The following ZP1 variants were observed in gnomAD, a reference collection of about 807,000 sequenced individuals.
ZP1 encodes zona pellucida glycoprotein 1.
ZP1 carries 58 observed loss-of-function variants against 67.4 expected under a neutral mutation model. The observed-to-expected ratio is 0.86, with a 90% CI of 0.70 to 1.07. The LOEUF (loss-of-function observed/expected upper bound fraction) is 1.07, where lower values mean the gene tolerates loss of function less well. ZP1 is among the 50% of genes least tolerant of loss of function. The pLI, the probability that ZP1 is intolerant of heterozygous loss-of-function variation, is 0.00. For synonymous variants in ZP1, 333 were observed against 332.7 expected (o/e 1.00, Z -0.01); for missense variants, 759 against 807.3 (o/e 0.94, Z 0.72).
intron 2 of ZP1, 95 bp from the exon 3 acceptor site, chr11:60,869,442 G>C: frequency 6.6e-7 from 1 of 1,512,472 alleles, no homozygotes; most frequent in East Asian, 2.3e-5. Context: ...CCAGCTCCCT[G>C]CCTAATGGCC....
At chr11:60,871,433 C>T in intron 6 of ZP1, 119 bp downstream of exon 6, 1 of 1,128,934 alleles carries the variant, frequency 8.9e-7, no homozygotes, top group Non-Finnish European at 1.3e-6. Context: ...TGTTACCCGG[C>T]TATGTGATCT....
In ZP1 at chr11:60,873,480, A is replaced by G. The variant is rs780988727; in HGVS notation, c.1346A>G (p.Asn449Ser). The G allele has an allele frequency of 1.9e-6, 3 of 1,613,514 alleles. No homozygotes were observed. The South Asian group carries it at 3.3e-5, about 18-fold the overall frequency. The change falls in exon 8 of 12, where the codon AAC becomes AGC. Residue 449 changes from asparagine (N) to serine (S), a missense_variant. Transcript: ENST00000278853. ...CGGCTTCTGCAGAGGACAGACCCCA[A>G]CCTGGTCCTGCTGCTGCACCAGTGC... ...EVRLLQRTDPNLVLLLHQCWG... is the reference protein window; with the variant it reads ...EVRLLQRTDPSLVLLLHQCWG...
At chr11:60,868,842 A>G (rs762051911) in intron 1 of ZP1, among the ~76,000 whole-genome samples, 6 of 152,206 alleles carry the variant, frequency 3.9e-5, no homozygotes, top group Non-Finnish European at 7.4e-5. Context: ...TGAAATACTC[A>G]GGCCAGTGCC....
In ZP1 at chr11:60,870,343, A is replaced by AGCCAGGAGCAGT. The variant is rs1425649591; in HGVS notation, c.701_712dup (p.Glu234_Gln237dup). The stretch of plus-strand genomic sequence containing the variant: ...TGTCCCAACCCTAGGTACCCACCTG[A>AGCCAGGAGCAGT]GCCAGGAGCAGTGCCAGGTGGCCTC... On this transcript the variant is annotated inframe_insertion, in exon 4 of 12. Transcript: ENST00000278853. The AGCCAGGAGCAGT allele has an allele frequency of 6.2e-7, 1 of 1,606,082 alleles. No homozygotes were observed. Among genetic ancestry groups the AGCCAGGAGCAGT allele is most frequent in the South Asian group, 1.1e-5 (1 of 89,564 alleles).
Position 60,870,442 on chromosome 11 carries a change from A to C in ZP1, c.793A>C (p.Thr265Pro). Reference sequence around the variant, plus strand: ...GCAGGCTGGCTGCTGCTATGACAACACCAGAGAGGTTCCCTGTTACTATGG... The same window carrying C: ...GCAGGCTGGCTGCTGCTATGACAACCCCAGAGAGGTTCCCTGTTACTATGG... ...CQQAGCCYDN[T>P]REVPCYYGNT... The change falls in exon 4 of 12, where the codon ACC becomes CCC. Residue 265 changes from threonine (T) to proline (P), a missense_variant. Transcript: ENST00000278853. 1 of 1,612,908 alleles carries C rather than the reference A, an allele frequency of 6.2e-7. No homozygotes were observed. The highest frequency in any genetic ancestry group is 8.5e-7 in the Non-Finnish European group (1 of 1,179,496).
rs1286459186 is a variant in ZP1, at chr11:60,875,009, C to G, written c.1649C>G (p.Thr550Ser). ...TGCTCCACTGCATGTAGCACTGGCA[C>G]TACAAGTGAGTCTGGGTTGCGAGTG... ...ETCSTACSTGTTRQRRSSGHR... is the reference protein window; with the variant it reads ...ETCSTACSTGSTRQRRSSGHR... Residue 550 changes from threonine (T) to serine (S), a missense_variant, in exon 10 of 12, where the codon ACT becomes AGT. Physicochemically the swap from Thr to Ser is moderately conservative, Grantham distance 58 (BLOSUM62 1). Transcript: ENST00000278853. The G allele has an allele frequency of 6.2e-7, 1 of 1,614,278 alleles. No individual in the cohort carries two copies. Among genetic ancestry groups the G allele is most frequent in the South Asian group, 1.1e-5 (1 of 91,092 alleles).
intron 3 of ZP1, 46 bp from the exon 4 acceptor site, chr11:60,870,286 T>C (rs1362538857): frequency 6.8e-7 from 1 of 1,460,914 alleles, no homozygotes; most frequent in South Asian, 1.5e-5. Flanking sequence ...GGGCCATGAT[T>C]TGCAAACTGT....
At chr11:60,871,356 G>T (rs1471664580) in intron 6 of ZP1, 42 bp downstream of exon 6, 2 of 1,601,188 alleles carry the variant, frequency 1.2e-6, no homozygotes, top group African/African-American at 1.3e-5. Context: ...TGTGTGCTAG[G>T]GTGTCAGGGG....
At position 60,873,059 on chromosome 11, in the gene ZP1, T is replaced by C. The variant is rs954500495; in HGVS notation, c.1113-103T>C. The C allele has an allele frequency of 6.0e-6, 8 of 1,323,008 alleles. No homozygotes were observed. The African/African-American group carries it at 1.2e-4, about 19-fold the overall frequency. The allele number at this position is 1,323,008 out of a possible 1,614,324, so 82.0% of individuals were successfully genotyped here. ...AGCATCCATCTGCCCTGCTGGACAG[T>C]ACCCTATTTGTTGCACCCACGGAGT... On this transcript the variant is annotated intron_variant, in intron 6 of 11. Transcript: ENST00000278853.
chr11:60,873,437 C>T lies in ZP1; in HGVS notation c.1303C>T (p.Pro435Ser). ...TCCCATCGTGAGGCTGCTCCGAGAA[C>T]CAGTCCATGTGGAGGTCCGGCTTCT... ...DYPIVRLLRE[P>S]VHVEVRLLQR... is the part of the protein sequence containing the mutation. The change falls in exon 8 of 12, where the codon CCA becomes TCA. Residue 435 changes from proline (P) to serine (S), a missense_variant. By Grantham distance (74) the Pro-to-Ser change is moderately conservative (BLOSUM62 -1). Coordinates refer to ENST00000278853, the MANE Select transcript of ZP1 (RefSeq NM_207341.4). The T allele has an allele frequency of 6.2e-7, 1 of 1,613,328 alleles. No individual in the cohort carries two copies. Among genetic ancestry groups the T allele is most frequent in the Non-Finnish European group, 8.5e-7 (1 of 1,179,408 alleles).
rs367933082 is a variant in ZP1 at position 60,870,992 on chromosome 11, C to T, written c.862C>T (p.Leu288Phe). ...VQCFRDGYFV[L>F]VVSQEMALTH... ...GTGCTTCAGAGATGGCTACTTCGTC[C>T]TCGTGGTGTCCCAAGAAATGGCCTT... Residue 288 changes from leucine to phenylalanine, a missense_variant, in exon 5 of 12, where the codon CTC becomes TTC. Physicochemically the swap from Leu to Phe is conservative, Grantham distance 22 (BLOSUM62 0). Transcript: ENST00000278853. 1.3e-5 allele frequency: 21 copies of T among 1,614,082 alleles called. No homozygotes were observed. Among genetic ancestry groups the T allele is most frequent in the East Asian group, 2.2e-5 (1 of 44,898 alleles).
In ZP1 at chr11:60,873,530, T is replaced by C; in HGVS notation, c.1396T>C (p.Phe466Leu). ...CTGGGGCGCTCCCAGTGCCAACCCC[T>C]TCCAGCAGCCCCAGTGGCCCATCCT... ...QCWGAPSANP[F>L]QQPQWPILSD... The change falls in exon 8 of 12, where the codon TTC becomes CTC. Residue 466 changes from phenylalanine (F) to leucine (L), a missense_variant. Phe to Leu is a conservative substitution (Grantham distance 22, BLOSUM62 0). Coordinates refer to ENST00000278853, the MANE Select transcript of ZP1 (RefSeq NM_207341.4). The C allele has an allele frequency of 6.2e-7, 1 of 1,612,788 alleles. No homozygotes were observed. Among genetic ancestry groups the C allele is most frequent in the Non-Finnish European group, 8.5e-7 (1 of 1,179,086 alleles).
Position 60,873,144 on chromosome 11 carries a change from C to A in ZP1, c.1113-18C>A. The A allele has an allele frequency of 6.5e-7, 1 of 1,537,866 alleles. No individual in the cohort carries two copies. The highest frequency in any genetic ancestry group is 8.8e-7 in the Non-Finnish European group (1 of 1,141,688). ...GATTCTGTGTCTTCTCCCCCACCCT[C>A]TTGCACGTGGACTTCAGGCTTCATG... On this transcript the variant is annotated intron_variant, in intron 6 of 11. Coordinates refer to ENST00000278853, the MANE Select transcript of ZP1 (RefSeq NM_207341.4).
intron 6 of ZP1, among the ~76,000 whole-genome samples, chr11:60,872,732 G>A (rs1185069634): frequency 1.3e-5 from 2 of 152,204 alleles, no homozygotes; most frequent in Non-Finnish European, 2.9e-5. Context: ...CCCAAAGCCT[G>A]TAAATGCTAA....
intron 6 of ZP1, 62 bp from the exon 7 acceptor site, chr11:60,873,100 T>C (rs1358784217): frequency 6.6e-7 from 1 of 1,508,014 alleles, no homozygotes; most frequent in African/African-American, 1.4e-5. Flanking sequence ...CCTAGTTTAT[T>C]ACGTAAACAG....
At chr11:60,875,076 C>G (rs1040555931) in intron 10 of ZP1, 53 bp from the exon 11 acceptor site, 1 of 1,613,394 alleles carries the variant, frequency 6.2e-7, no homozygotes, top group African/African-American at 1.3e-5. Flanking sequence ...TGCCTGGCCT[C>G]TGGGCCACAG....
Position 60,874,852 on chromosome 11 carries a change from G to A in ZP1, c.1573-81G>A, listed in dbSNP as rs2074418. ...CAGCAGCCTAGACTTGGCCCAGCTC[G>A]GGGATTCCATGTCCTTCCCTTTGTG... is the stretch of plus-strand genomic sequence containing the variant. On this transcript the variant is annotated intron_variant, in intron 9 of 11. Transcript: ENST00000278853. The A allele has an allele frequency of 0.38, 537,805 of 1,408,632 alleles. 105,662 individuals are homozygous for A. Among genetic ancestry groups the A allele is most frequent in the Admixed American group, 0.41 (24,216 of 58,664 alleles). 87.3% of individuals were successfully genotyped at this position (1,408,632 alleles called of 1,614,324 possible). A position where few individuals can be genotyped will look rare whatever the true frequency, so the allele number is the denominator to read the frequency against.
At chr11:60,871,553 G>A (rs1457544037) in intron 6 of ZP1, among the ~76,000 whole-genome samples, 1 of 152,210 alleles carries the variant, frequency 6.6e-6, no homozygotes, top group Non-Finnish European at 1.5e-5. Flanking sequence ...TGGCCTGCAG[G>A]GCTTGGCTAG....
intron 6 of ZP1, among the ~76,000 whole-genome samples, chr11:60,872,617 A>C (rs908798749): frequency 1.3e-5 from 2 of 152,194 alleles, no homozygotes; most frequent in Non-Finnish European, 2.9e-5. Flanking sequence ...ACACAGGTGC[A>C]TTATCTTGTG....
Sources: gnomAD v4.1 joint callset for allele counts (sites outside exome capture counted in the v4.1 genomes callset) on GRCh38, gnomAD v4.1.1 for gene constraint, MANE v1.5 for transcripts, NCBI Gene and HGNC (gene_info 2026-07-23, HGNC 2026-07-21) for gene names.